The following GTF3C3 variants were observed in gnomAD, a reference collection of about 807,000 sequenced individuals.
GTF3C3 encodes the protein general transcription factor 3C polypeptide 3.
GTF3C3 carries 75 observed loss-of-function variants against 105.2 expected under a neutral mutation model. That is an observed-to-expected ratio of 0.71 (90% CI 0.59 to 0.86). The LOEUF (loss-of-function observed/expected upper bound fraction) is 0.86. Ranked by LOEUF, GTF3C3 falls within the 40% of genes least tolerant of loss-of-function variation. The pLI is 0.00. For synonymous variants in GTF3C3, 335 were observed against 370.4 expected, an observed-to-expected ratio of 0.90 and a Z score of 1.10; for missense variants, 856 against 1,076.5, an observed-to-expected ratio of 0.80 and a Z score of 2.87.
chr2:196,798,022 G>A (rs1456504318), intron 1 of GTF3C3, 114 bp from the exon 2 acceptor site: 1 of 675,882 alleles, frequency 1.5e-6, no homozygotes, highest in Non-Finnish European at 2.7e-6. Flanking sequence ...TTGTGACCAT[G>A]GGTTGGCAGT....
In GTF3C3 at chr2:196,771,752, C is replaced by T. The variant is rs779334001; in HGVS notation, c.2256G>A (p.Ala752=). Residue 752 remains alanine, a synonymous_variant, in exon 15 of 18, where the codon GCG becomes GCA. Transcript: ENST00000263956. ...NAFVSGSFKH[A]LGQYVQAFRT... ...GTCACGTGCCAGGACACTTACCAAG[C>T]GCATGCTTAAAACTACCAGATACAA... is the stretch of plus-strand genomic sequence containing the variant. 12 of 1,605,500 alleles carry T rather than the reference C, an allele frequency of 7.5e-6. No individual in the cohort carries two copies. The highest frequency in any genetic ancestry group is 1.3e-5 in the African/African-American group (1 of 74,854).
rs763322449 is a variant in GTF3C3 at position 196,773,046 on chromosome 2, A to C, written c.1939T>G (p.Leu647Val). Residue 647 changes from leucine to valine, a missense_variant, in exon 14 of 18, where the codon TTG becomes GTG. By Grantham distance (32) the Leu-to-Val change is conservative (BLOSUM62 1). Coordinates refer to ENST00000263956, the MANE Select transcript of GTF3C3 (RefSeq NM_012086.5). ...CDLSRFQEAE[L>V]LVDSSLEYYS... ...TATTCCAATGAGGAATCTACAAGCA[A>C]CTCAGCCTCTTGAAATCGGGATAGG... 4 of 1,612,332 alleles carry C rather than the reference A, an allele frequency of 2.5e-6. No individual in the cohort carries two copies. The Admixed American group carries it at 6.7e-5, about 27-fold the overall frequency.
At chr2:196,766,004 T>C (rs1454795856) in intron 17 of GTF3C3, among the ~76,000 whole-genome samples, 400 of 100,638 alleles carry the variant, frequency 4.0e-3, no homozygotes, top group Non-Finnish European at 6.8e-3. Context: ...AGCAAGACTC[T>C]GTCTCCAAAA....
intron 9 of GTF3C3, 47 bp from the exon 10 acceptor site, chr2:196,779,114 G>A: frequency 1.4e-6 from 2 of 1,461,300 alleles, no homozygotes; most frequent in Non-Finnish European, 1.9e-6. Flanking sequence ...TTACAAACGT[G>A]CACATCTATC....
At position 196,766,807 on chromosome 2, in the gene GTF3C3, TA is replaced by T. The variant is rs1364565518; in HGVS notation, c.2386-91del. The T allele has an allele frequency of 1.3e-5, 13 of 999,428 alleles. No individual in the cohort carries two copies. The African/African-American group carries it at 1.8e-4, about 14-fold the overall frequency. 61.9% of individuals were successfully genotyped at this position (999,428 alleles called of 1,614,324 possible). On this transcript the variant is annotated intron_variant, in intron 16 of 17. Coordinates refer to ENST00000263956, the MANE Select transcript of GTF3C3 (RefSeq NM_012086.5). ...TATTACCAGGTGCTGAAAATACAAA[TA>T]TTTTTTAAAAACCTATCTATCTGCT...
intron 16 of GTF3C3, among the ~76,000 whole-genome samples, chr2:196,768,289 G>A (rs998284336): frequency 1.3e-5 from 2 of 152,110 alleles, no homozygotes; most frequent in Non-Finnish European, 2.9e-5. Flanking sequence ...AAAGTGCAGG[G>A]ATTACAGGTG....
Position 196,776,394 on chromosome 2 carries a change from A to C in GTF3C3, c.1593+33T>G, listed in dbSNP as rs1326565993. 1 of 1,559,278 alleles carries C rather than the reference A, an allele frequency of 6.4e-7. No homozygotes were observed. The highest frequency in any genetic ancestry group is 1.1e-5 in the South Asian group (1 of 89,182). On this transcript the variant is annotated intron_variant, in intron 11 of 17. Coordinates refer to ENST00000263956, the MANE Select transcript of GTF3C3 (RefSeq NM_012086.5). The surrounding 1 kb of genome is among the most constrained non-coding windows in gnomAD (Gnocchi z 4.5). ...AGAAAGTTCTAAAATATAATATACC[A>C]AGAAAAACTTCCCTCTATGTGACAT...
intron 9 of GTF3C3, among the ~76,000 whole-genome samples, 171 bp from the exon 10 acceptor site, chr2:196,779,238 G>A (rs762883552): frequency 1.7e-4 from 26 of 150,740 alleles, no homozygotes; most frequent in African/African-American, 4.6e-4. Flanking sequence ...AGTGATTCTC[G>A]TGCCTTAGCT....
intron 7 of GTF3C3, 23 bp downstream of exon 7, chr2:196,785,400 CACATGCAAAACTTAACAG>C: frequency 7.8e-7 from 1 of 1,277,156 alleles, no homozygotes. Flanking sequence ...AACACAGAAA[CACATGCAAAACTTAACAG>C]AGAAACACAT....
Position 196,764,552 on chromosome 2 carries a change from G to T in GTF3C3, c.*11C>A, listed in dbSNP as rs763214588. 5 of 1,612,284 alleles carry T rather than the reference G, an allele frequency of 3.1e-6. No homozygotes were observed. The South Asian group carries it at 3.3e-5, about 11-fold the overall frequency. On this transcript the variant is annotated 3_prime_UTR_variant, in exon 18 of 18. Transcript: ENST00000263956. ...AGCAGCTGCCATTGCTCTGTTCTCAGTTGCGGTGCTTTATATAGAACAATA... is the reference window on the plus strand; with the variant it reads ...AGCAGCTGCCATTGCTCTGTTCTCATTTGCGGTGCTTTATATAGAACAATA...
intron 9 of GTF3C3, chr2:196,780,301 T>C: frequency 9.5e-7 from 1 of 1,052,138 alleles, no homozygotes; most frequent in Non-Finnish European, 1.2e-6. Context: ...AATGACAATC[T>C]CAAATGGTCT....
At chr2:196,783,242 TA>T (rs1699397249) in intron 8 of GTF3C3, among the ~76,000 whole-genome samples, 1 of 130,396 alleles carries the variant, frequency 7.7e-6, no homozygotes, top group Admixed American at 9.0e-5. Context: ...TGATTTATGT[TA>T]ATATGTGCCA....
chr2:196,797,696 A>C, intron 2 of GTF3C3, 101 bp downstream of exon 2: 1 of 723,610 alleles, frequency 1.4e-6, no homozygotes, highest in Non-Finnish European at 2.5e-6. Context: ...CCAGGTAATC[A>C]ACAACAGAGT....
chr2:196,765,366 C>T (rs1174731661), intron 17 of GTF3C3, among the ~76,000 whole-genome samples: 1 of 151,832 alleles, frequency 6.6e-6, no homozygotes, highest in South Asian at 2.1e-4. Context: ...GCTCAATTAA[C>T]AAGATGTAAC....
At chr2:196,766,966 C>T (rs1231744603) in intron 16 of GTF3C3, 1 of 292,614 alleles carries the variant, frequency 3.4e-6, no homozygotes, top group Non-Finnish European at 6.3e-6. Context: ...CAAGTAGTTA[C>T]CAGAGATTCA....
chr2:196,769,733 G>A (rs943489007), intron 16 of GTF3C3, among the ~76,000 whole-genome samples, 182 bp downstream of exon 16: 1 of 152,102 alleles, frequency 6.6e-6, no homozygotes, highest in Non-Finnish European at 1.5e-5. Flanking sequence ...GCTGTAATAA[G>A]TCTTAATCAT....
chr2:196,768,504 A>C (rs1421713460), intron 16 of GTF3C3, among the ~76,000 whole-genome samples: 1 of 152,226 alleles, frequency 6.6e-6, no homozygotes, highest in Admixed American at 6.5e-5. Context: ...TAAGAAAGAT[A>C]ATAAACCATA....
At chr2:196,769,079 G>A (rs1293819465) in intron 16 of GTF3C3, among the ~76,000 whole-genome samples, 2 of 152,092 alleles carry the variant, frequency 1.3e-5, no homozygotes, top group Non-Finnish European at 2.9e-5. Context: ...GAAAAATTTA[G>A]AAGTTTTTGT....
rs1288314724 is a variant in GTF3C3, at chr2:196,786,125, C to G, written c.894-537G>C. Among the ~76,000 whole-genome samples, 1 of 152,146 alleles carries G rather than the reference C, an allele frequency of 6.6e-6. No individual in the cohort carries two copies. The highest frequency in any genetic ancestry group is 1.9e-4 in the East Asian group (1 of 5,194). ...TCACTCTAAACTGATGACCAATAGC[C>G]TCAAGCAGGTCCATGGTACTGATGA... On this transcript the variant is annotated intron_variant, in intron 6 of 17. Transcript: ENST00000263956. The surrounding 1 kb of genome is among the most constrained non-coding windows in gnomAD (Gnocchi z 4.2).
Sources: gnomAD v4.1 joint callset for allele counts (sites outside exome capture counted in the v4.1 genomes callset) on GRCh38, gnomAD v4.1.1 for gene constraint, Gnocchi (gnomAD v3.1) non-coding constraint, MANE v1.5 for transcripts, NCBI Gene and HGNC (gene_info 2026-07-23, HGNC 2026-07-21) for gene names.